MVB12B: variants seen among roughly 807,000 people sequenced by gnomAD.
MVB12B encodes multivesicular body subunit 12B.
Under a neutral mutation model 41.6 loss-of-function variants are expected in MVB12B, and 16 were observed. That is an observed-to-expected ratio of 0.38 (90% CI 0.26 to 0.58). MVB12B has a LOEUF of 0.58. MVB12B is among the 20% of genes least tolerant of loss of function. The pLI is 0.62. For missense variants in MVB12B, 274 were observed against 380.2 expected (o/e 0.72, Z 2.32); for synonymous variants, 133 against 139.7 (o/e 0.95, Z 0.34).
At chr9:126,434,246 A>T (rs753876717) in intron 7 of MVB12B, among the ~76,000 whole-genome samples, 3 of 82,024 alleles carry the variant, frequency 3.7e-5, no homozygotes, top group African/African-American at 8.0e-5. Flanking sequence ...ATTTATGTTT[A>T]AAAAAAAAAA....
At chr9:126,429,858 C>A (rs912260849) in intron 7 of MVB12B, among the ~76,000 whole-genome samples, 1 of 152,180 alleles carries the variant, frequency 6.6e-6, no homozygotes, top group Non-Finnish European at 1.5e-5. Flanking sequence ...CTGGACTTCA[C>A]AGAGAGATAG....
Position 126,386,271 on chromosome 9 carries a change from A to G in MVB12B, c.313-291A>G, listed in dbSNP as rs1345466641. Among the ~76,000 whole-genome samples the G allele has an allele frequency of 6.6e-6, 1 of 152,164 alleles. No individual in the cohort carries two copies. The highest frequency in any genetic ancestry group is 1.5e-5 in the Non-Finnish European group (1 of 68,036). ...GCCTGGTCCTGGGACCTGTGTGCAC[A>G]GCTGCCCTCTGCTGGGTTATGTCTA... On this transcript the variant is annotated intron_variant, in intron 3 of 9. Coordinates refer to ENST00000361171, the MANE Select transcript of MVB12B (RefSeq NM_033446.3). This position sits in a 1 kb window ranked among gnomAD's most constrained non-coding sequence, Gnocchi z 4.3.
Position 126,503,458 on chromosome 9 carries a change from G to C in MVB12B, c.*195G>C. 1 of 599,450 alleles carries C rather than the reference G, an allele frequency of 1.7e-6. No homozygotes were observed. The highest frequency in any genetic ancestry group is 2.0e-5 in the South Asian group (1 of 50,006). 37.1% of individuals were successfully genotyped at this position (599,450 alleles called of 1,614,324 possible). ...CCTCACTGACACCCCGGCCTCCCTG[G>C]GGACATTGTTCATAACCATGACTAA... On this transcript the variant is annotated 3_prime_UTR_variant, in exon 10 of 10. Coordinates refer to ENST00000361171, the MANE Select transcript of MVB12B (RefSeq NM_033446.3).
At chr9:126,415,075 A>T (rs964233810) in intron 6 of MVB12B, among the ~76,000 whole-genome samples, 1 of 152,062 alleles carries the variant, frequency 6.6e-6, no homozygotes. Flanking sequence ...ACTCATTCTT[A>T]TAACTCCCTT....
intron 2 of MVB12B, among the ~76,000 whole-genome samples, chr9:126,363,078 T>G (rs1228185290): frequency 6.6e-6 from 1 of 151,602 alleles, no homozygotes; most frequent in Non-Finnish European, 1.5e-5. Flanking sequence ...TCCCAGCTAC[T>G]CAGGAGGCTG....
In MVB12B at chr9:126,480,931, G is replaced by C. The variant is rs1326945888; in HGVS notation, c.758-438G>C. On this transcript the variant is annotated intron_variant, in intron 7 of 9. Coordinates refer to ENST00000361171, the MANE Select transcript of MVB12B (RefSeq NM_033446.3). This position sits in a 1 kb window ranked among gnomAD's most constrained non-coding sequence, Gnocchi z 4.9. Reference sequence around the variant, plus strand: ...TTCCTCCCACTTAGTCTTTTCCCCTGAGTCCAACAGCACCTTAGAGCATGT... The same window carrying C: ...TTCCTCCCACTTAGTCTTTTCCCCTCAGTCCAACAGCACCTTAGAGCATGT... 1 of 159,308 alleles carries C rather than the reference G, an allele frequency of 6.3e-6. No individual in the cohort carries two copies. The highest frequency in any genetic ancestry group is 1.4e-5 in the Non-Finnish European group (1 of 73,316). 9.9% of individuals were successfully genotyped at this position (159,308 alleles called of 1,614,324 possible).
At chr9:126,415,298 G>C (rs1831782509) in intron 6 of MVB12B, among the ~76,000 whole-genome samples, 1 of 152,170 alleles carries the variant, frequency 6.6e-6, no homozygotes, top group Non-Finnish European at 1.5e-5. Flanking sequence ...ACGATTCCAA[G>C]CATGAAAATA....
chr9:126,397,440 A>C, intron 6 of MVB12B: 1 of 985,292 alleles, frequency 1.0e-6, no homozygotes, highest in South Asian at 4.7e-5. Context: ...GTATTTTATC[A>C]CCTCTGCTGT....
intron 9 of MVB12B, among the ~76,000 whole-genome samples, chr9:126,488,435 G>A (rs992852298): frequency 6.6e-5 from 10 of 151,524 alleles, no homozygotes; most frequent in South Asian, 2.1e-4. Flanking sequence ...CCTCCCGCTC[G>A]TCCAGAACAT....
intron 6 of MVB12B, among the ~76,000 whole-genome samples, chr9:126,414,010 TG>T (rs1339952047): frequency 2.6e-5 from 4 of 152,150 alleles, no homozygotes; most frequent in African/African-American, 7.2e-5. Context: ...ATGTGGCCAC[TG>T]GGTCTACAAG....
chr9:126,352,374 G>A (rs1424495632), intron 2 of MVB12B, among the ~76,000 whole-genome samples: 1 of 152,186 alleles, frequency 6.6e-6, no homozygotes, highest in Admixed American at 6.5e-5. Flanking sequence ...GCATGGGTGG[G>A]TGTGGGGCCA....
intron 7 of MVB12B, among the ~76,000 whole-genome samples, chr9:126,434,985 G>A (rs1343235120): frequency 6.6e-6 from 1 of 152,278 alleles, no homozygotes; most frequent in Non-Finnish European, 1.5e-5. Flanking sequence ...CGTTGATTCT[G>A]AGAGGACCTG....
In MVB12B at chr9:126,386,905, G is replaced by C. The variant is rs1039889943; in HGVS notation, c.409+247G>C. Reference sequence around the variant, plus strand: ...TTCTTTTAGAATGGTGCTCCCTGCTGAATCGGCTCACTGGGGAATGGAATG... The same window carrying C: ...TTCTTTTAGAATGGTGCTCCCTGCTCAATCGGCTCACTGGGGAATGGAATG... On this transcript the variant is annotated intron_variant, in intron 4 of 9. Transcript: ENST00000361171. This position sits in a 1 kb window ranked among gnomAD's most constrained non-coding sequence, Gnocchi z 4.3. Among the ~76,000 whole-genome samples, 2 of 152,196 alleles carry C rather than the reference G, an allele frequency of 1.3e-5. No homozygotes were observed. Among genetic ancestry groups the C allele is most frequent in the Middle Eastern group, 3.4e-3 (1 of 294 alleles).
intron 2 of MVB12B, among the ~76,000 whole-genome samples, chr9:126,361,529 G>A (rs934932582): frequency 5.3e-5 from 8 of 151,810 alleles, no homozygotes; most frequent in African/African-American, 7.3e-5. Flanking sequence ...TCATTGTTTT[G>A]TGTAGATCTG....
intron 7 of MVB12B, among the ~76,000 whole-genome samples, chr9:126,470,666 G>GTGTA (rs1458596644): frequency 7.0e-6 from 1 of 143,012 alleles, no homozygotes; most frequent in African/African-American, 2.5e-5. Context: ...GTGTGTGTGT[G>GTGTA]TGTGTGTGTG....
chr9:126,482,623 C>T (rs949291137), intron 8 of MVB12B, among the ~76,000 whole-genome samples: 1 of 152,260 alleles, frequency 6.6e-6, no homozygotes, highest in Non-Finnish European at 1.5e-5. Context: ...CCTAATGACA[C>T]AGCAGCTGCA....
At chr9:126,342,899 T>A (rs1373918109) in intron 2 of MVB12B, among the ~76,000 whole-genome samples, 1 of 152,220 alleles carries the variant, frequency 6.6e-6, no homozygotes, top group South Asian at 2.1e-4. Flanking sequence ...GAGGAAGCCC[T>A]GCTGCGGATT....
chr9:126,502,825 G>A (rs1435264656), intron 9 of MVB12B, among the ~76,000 whole-genome samples: 1 of 152,242 alleles, frequency 6.6e-6, no homozygotes, highest in Non-Finnish European at 1.5e-5. Context: ...CCCGCTGGGT[G>A]GGAGGCCATG....
intron 7 of MVB12B, among the ~76,000 whole-genome samples, chr9:126,439,657 C>T (rs551027141): frequency 3.9e-5 from 6 of 152,282 alleles, no homozygotes; most frequent in East Asian, 1.9e-4. Context: ...ACTTCAGAAA[C>T]GTGAAACCTT....
Sources: allele counts gnomAD v4.1 joint callset (sites outside exome capture counted in the v4.1 genomes callset), GRCh38; gene constraint gnomAD v4.1.1; non-coding constraint Gnocchi (gnomAD v3.1); transcripts MANE v1.5; gene names NCBI Gene and HGNC (gene_info 2026-07-23, HGNC 2026-07-21).